The following DOCK3 variants were observed in gnomAD, a reference collection of about 807,000 sequenced individuals.
DOCK3 encodes dedicator of cytokinesis protein 3.
DOCK3 carries 60 observed loss-of-function variants against 265.6 expected under a neutral mutation model. That is an observed-to-expected ratio of 0.23 (90% CI 0.18 to 0.28). The LOEUF (loss-of-function observed/expected upper bound fraction) is 0.28. DOCK3 is among the 10% of genes least tolerant of loss of function. The probability of loss-of-function intolerance (pLI) is 1.00; values close to 1 mark genes in which losing one functional copy is unlikely to be tolerated. For synonymous variants in DOCK3, 881 were observed against 938.0 expected, an observed-to-expected ratio of 0.94 and a Z score of 1.11; for missense variants, 1,981 against 2,594.3, an observed-to-expected ratio of 0.76 and a Z score of 5.14.
At chr3:51,158,854 A>G (rs149576002) in intron 10 of DOCK3, among the ~76,000 whole-genome samples, 98 of 152,322 alleles carry the variant, frequency 6.4e-4, no homozygotes, top group African/African-American at 2.1e-3. Context: ...AATTTTAGTT[A>G]TTGATGAGCT....
intron 4 of DOCK3, among the ~76,000 whole-genome samples, chr3:50,927,024 A>G (rs2050791097): frequency 6.6e-6 from 1 of 152,376 alleles, no homozygotes; most frequent in East Asian, 1.9e-4. Flanking sequence ...ACAAAGGCTT[A>G]CAAGTTTTAT....
rs2080306098 is a variant in DOCK3 at position 51,268,254 on chromosome 3, A to G, written c.2356-2561A>G. Among the ~76,000 whole-genome samples, 2 of 152,190 alleles carry G rather than the reference A, an allele frequency of 1.3e-5. 1 individual carries two copies. Among genetic ancestry groups the G allele is most frequent in the South Asian group, 4.1e-4 (2 of 4,834 alleles). On this transcript the variant is annotated intron_variant, in intron 23 of 52. Transcript: ENST00000266037. ...CTACCTGACCAATCACCTGAGCCCAAGAAGTTAAGGCTACAGTGAGCTGTG... is the reference window on the plus strand; with the variant it reads ...CTACCTGACCAATCACCTGAGCCCAGGAAGTTAAGGCTACAGTGAGCTGTG...
chr3:50,967,149 G>A (rs2077056661), intron 5 of DOCK3, among the ~76,000 whole-genome samples: 1 of 152,026 alleles, frequency 6.6e-6, no homozygotes, highest in African/African-American at 2.4e-5. Context: ...CTGTATGTTT[G>A]TACCCATTGA....
intron 12 of DOCK3, among the ~76,000 whole-genome samples, chr3:51,200,393 T>G (rs2088643211): frequency 7.0e-6 from 1 of 142,186 alleles, no homozygotes; most frequent in Non-Finnish European, 1.5e-5. Context: ...TGCAGAAGCC[T>G]CAGGAGCCGA....
rs554680533 is a variant in DOCK3 at position 51,145,533 on chromosome 3, G to A, written c.747-1016G>A. 2.3e-3 allele frequency among the ~76,000 whole-genome samples: 349 copies of A among 152,200 alleles called. 1 individual carries two copies. The highest frequency in any genetic ancestry group is 4.2e-3 in the South Asian group (20 of 4,814). On this transcript the variant is annotated intron_variant, in intron 9 of 52. Coordinates refer to ENST00000266037, the MANE Select transcript of DOCK3 (RefSeq NM_004947.5). ...GGTCCACAGGCTGCATGCAGCCCAC[G>A]ATGGCTTTGAATGCAGCCCAACACA...
At chr3:51,372,192 T>G (rs1204952185) in intron 49 of DOCK3, among the ~76,000 whole-genome samples, 1 of 152,244 alleles carries the variant, frequency 6.6e-6, no homozygotes, top group Non-Finnish European at 1.5e-5. Flanking sequence ...ACAGGGATTT[T>G]GAATAATCCT....
Position 51,227,324 on chromosome 3 carries a change from C to G in DOCK3, c.1419C>G (p.Ser473=), listed in dbSNP as rs763865744. ...SLGSGEPNRS[S]YHSFVLYHSN... Reference sequence around the variant, plus strand: ...GTTCAGGAGAGCCAAATAGGAGTTCCTACCACTCCTTTGTCCTCTACCACA... The same window carrying G: ...GTTCAGGAGAGCCAAATAGGAGTTCGTACCACTCCTTTGTCCTCTACCACA... Residue 473 remains serine, a synonymous_variant, in exon 16 of 53, where the codon TCC becomes TCG. Transcript: ENST00000266037. 1.2e-6 allele frequency: 2 copies of G among 1,613,882 alleles called. No homozygotes were observed. The highest frequency in any genetic ancestry group is 1.7e-6 in the Non-Finnish European group (2 of 1,179,856).
chr3:51,013,366 A>T (rs1295892963), intron 5 of DOCK3, among the ~76,000 whole-genome samples: 4 of 152,084 alleles, frequency 2.6e-5, no homozygotes, highest in African/African-American at 9.7e-5. Context: ...TGTTGGTGCT[A>T]TTCCTTTCTG....
At chr3:50,794,643 C>T (rs990659296) in intron 2 of DOCK3, among the ~76,000 whole-genome samples, 4 of 152,120 alleles carry the variant, frequency 2.6e-5, no homozygotes, top group Non-Finnish European at 5.9e-5. Flanking sequence ...ACATGGATCT[C>T]TCGAAGACAG....
At chr3:51,294,125 G>A (rs543467121) in intron 27 of DOCK3, among the ~76,000 whole-genome samples, 35 of 152,268 alleles carry the variant, frequency 2.3e-4, no homozygotes, top group Non-Finnish European at 4.4e-4. Context: ...GTATGTCAAA[G>A]AGATATGTAC....
intron 5 of DOCK3, among the ~76,000 whole-genome samples, chr3:51,048,566 A>G (rs1307454084): frequency 6.6e-6 from 1 of 152,210 alleles, no homozygotes; most frequent in Non-Finnish European, 1.5e-5. Context: ...AATATTTTAA[A>G]TAATTTCATG....
intron 5 of DOCK3, among the ~76,000 whole-genome samples, chr3:51,054,058 T>C (rs114681853): frequency 9.5e-4 from 141 of 148,166 alleles, no homozygotes; most frequent in Non-Finnish European, 1.7e-3. Context: ...TTAGGTTAAG[T>C]CAGTGTTGCT....
At chr3:51,364,098 C>A (rs552012394) in intron 49 of DOCK3, among the ~76,000 whole-genome samples, 1 of 152,358 alleles carries the variant, frequency 6.6e-6, no homozygotes, top group South Asian at 2.1e-4. Flanking sequence ...TTTACAGTCC[C>A]ACCAACAGTG....
chr3:51,228,872 C>G (rs1560245725), intron 18 of DOCK3, 40 bp downstream of exon 18: 2 of 1,600,838 alleles, frequency 1.2e-6, no homozygotes, highest in Non-Finnish European at 1.7e-6. Flanking sequence ...CTCCACCCTC[C>G]TCCATTGTTC....
intron 1 of DOCK3, among the ~76,000 whole-genome samples, chr3:50,710,521 G>C (rs183147584): frequency 6.6e-6 from 1 of 152,306 alleles, no homozygotes; most frequent in Non-Finnish European, 1.5e-5. Context: ...AGATGTTGAC[G>C]TGGATGTAGT....
intron 14 of DOCK3, among the ~76,000 whole-genome samples, chr3:51,222,434 T>C (rs1370579773): frequency 1.3e-5 from 2 of 152,236 alleles, no homozygotes; most frequent in Non-Finnish European, 2.9e-5. Flanking sequence ...CTTCTGCTTA[T>C]GCTTTCTCCT....
chr3:51,307,074 T>A (rs2082726872), intron 27 of DOCK3, among the ~76,000 whole-genome samples: 1 of 152,228 alleles, frequency 6.6e-6, no homozygotes, highest in Non-Finnish European at 1.5e-5. Context: ...TGCTTTATGT[T>A]GTTGATGATG....
intron 9 of DOCK3, among the ~76,000 whole-genome samples, chr3:51,100,217 C>T (rs1267953980): frequency 6.6e-6 from 1 of 152,160 alleles, no homozygotes; most frequent in East Asian, 1.9e-4. Context: ...CCAAAAACTA[C>T]CTGACGGTGC....
At chr3:51,271,587 G>A (rs2080498311) in intron 24 of DOCK3, among the ~76,000 whole-genome samples, 1 of 152,124 alleles carries the variant, frequency 6.6e-6, no homozygotes, top group Non-Finnish European at 1.5e-5. Context: ...CTATCTCAAG[G>A]AAATAAGGAT....
Sources: gnomAD v4.1 joint callset for allele counts (sites outside exome capture counted in the v4.1 genomes callset) on GRCh38, gnomAD v4.1.1 for gene constraint, MANE v1.5 for transcripts, NCBI Gene and HGNC (gene_info 2026-07-23, HGNC 2026-07-21) for gene names.